SNX29: variants seen among roughly 807,000 people sequenced by gnomAD.
SNX29 encodes the protein sorting nexin 29, also known as sorting nexin-29.
In SNX29, 78 loss-of-function variants were observed where a neutral mutation model predicts 102.1. That is an observed-to-expected ratio of 0.76 (90% CI 0.64 to 0.92). The LOEUF (loss-of-function observed/expected upper bound fraction) is 0.92. Ranked by LOEUF, SNX29 falls within the 40% of genes least tolerant of loss-of-function variation. The pLI is 0.00. For synonymous variants in SNX29, 580 were observed against 414.5 expected (o/e 1.40, Z -4.85); for missense variants, 1,280 against 1,061.7 (o/e 1.21, Z -2.86).
intron 15 of SNX29, among the ~76,000 whole-genome samples, chr16:12,316,273 C>T (rs1474695572): frequency 6.6e-6 from 1 of 152,100 alleles, no homozygotes; most frequent in East Asian, 1.9e-4. Context: ...ATTCAAAAGG[C>T]CTCTTCTGGG....
intron 4 of SNX29, among the ~76,000 whole-genome samples, chr16:12,038,324 G>A (rs961807277): frequency 6.6e-6 from 1 of 152,114 alleles, no homozygotes; most frequent in African/African-American, 2.4e-5. Context: ...CTTGGGCATC[G>A]GTGATAGTTA....
Position 12,569,816 on chromosome 16 carries a change from G to C in SNX29, c.*1187G>C, listed in dbSNP as rs2079148136. On this transcript the variant is annotated 3_prime_UTR_variant, in exon 21 of 21. Transcript: ENST00000566228. ...TCAGATGCTCAGCAAAGTTGTGGCA[G>C]TTTGCATTTCTAGGGTAAACTAACT... is the stretch of plus-strand genomic sequence containing the variant. 3 of 230,340 alleles carry C rather than the reference G, an allele frequency of 1.3e-5. No homozygotes were observed. Among genetic ancestry groups the C allele is most frequent in the Non-Finnish European group, 2.6e-5 (3 of 116,286 alleles). 14.3% of individuals were successfully genotyped at this position (230,340 alleles called of 1,614,324 possible). A position where few individuals can be genotyped will look rare whatever the true frequency, so the allele number is the denominator to read the frequency against.
chr16:12,549,447 A>G (rs1429906933), intron 20 of SNX29, among the ~76,000 whole-genome samples: 1 of 152,178 alleles, frequency 6.6e-6, no homozygotes, highest in Non-Finnish European at 1.5e-5. Flanking sequence ...GTGACCTAAG[A>G]TTGCACCATT....
chr16:12,564,632 G>C (rs2078915160), intron 20 of SNX29, among the ~76,000 whole-genome samples: 1 of 150,910 alleles, frequency 6.6e-6, no homozygotes, highest in African/African-American at 2.5e-5. Flanking sequence ...AGCATTAACA[G>C]AGTCCCTGCT....
intron 17 of SNX29, among the ~76,000 whole-genome samples, chr16:12,401,748 T>C (rs961324255): frequency 5.9e-5 from 9 of 152,208 alleles, no homozygotes; most frequent in Admixed American, 2.6e-4. Context: ...CTGCTTCTTT[T>C]ATTGCTCTAT....
intron 3 of SNX29, among the ~76,000 whole-genome samples, chr16:12,022,614 C>T (rs976610151): frequency 6.6e-6 from 1 of 152,090 alleles, no homozygotes; most frequent in Non-Finnish European, 1.5e-5. Flanking sequence ...ACACTTAATC[C>T]CTAATTTCAA....
At chr16:12,562,201 G>C (rs1188386069) in intron 20 of SNX29, among the ~76,000 whole-genome samples, 2 of 152,188 alleles carry the variant, frequency 1.3e-5, no homozygotes, top group East Asian at 3.8e-4. Context: ...TCACAGAGGA[G>C]TGAACCCTGC....
chr16:12,451,492 C>T (rs2086298244), intron 18 of SNX29, among the ~76,000 whole-genome samples: 1 of 152,202 alleles, frequency 6.6e-6, no homozygotes, highest in African/African-American at 2.4e-5. Flanking sequence ...GTTCTATTTA[C>T]CAACCAAAGA....
At chr16:12,342,102 C>G (rs1044692209) in intron 15 of SNX29, among the ~76,000 whole-genome samples, 6 of 152,130 alleles carry the variant, frequency 3.9e-5, no homozygotes, top group African/African-American at 7.2e-5. Context: ...AGAAGAAGAT[C>G]ACATTTGATG....
chr16:12,385,631 G>C (rs1016863185), intron 16 of SNX29, among the ~76,000 whole-genome samples: 2 of 152,190 alleles, frequency 1.3e-5, no homozygotes, highest in African/African-American at 4.8e-5. Flanking sequence ...CACCCTGTGT[G>C]CATCAGCTGT....
intron 11 of SNX29, among the ~76,000 whole-genome samples, chr16:12,119,027 G>A (rs986480555): frequency 6.6e-6 from 1 of 152,170 alleles, no homozygotes; most frequent in African/African-American, 2.4e-5. Flanking sequence ...CATACTTTAG[G>A]ACATGAGGCT....
chr16:12,401,076 C>T (rs566737992), intron 17 of SNX29, among the ~76,000 whole-genome samples: 15 of 152,216 alleles, frequency 9.9e-5, no homozygotes, highest in Admixed American at 9.2e-4. Context: ...CGTGATCCGC[C>T]TACCTCGGCC....
At chr16:12,534,330 C>G (rs1393127449) in intron 20 of SNX29, among the ~76,000 whole-genome samples, 3 of 152,228 alleles carry the variant, frequency 2.0e-5, no homozygotes, top group East Asian at 1.9e-4. Context: ...TGTGCCCAGC[C>G]AAATGTCCTG....
At chr16:12,503,900 A>G (rs1369518409) in intron 19 of SNX29, among the ~76,000 whole-genome samples, 1 of 152,202 alleles carries the variant, frequency 6.6e-6, no homozygotes, top group African/African-American at 2.4e-5. Context: ...TTTTATTAAG[A>G]TAAAATTCAC....
intron 18 of SNX29, among the ~76,000 whole-genome samples, chr16:12,447,439 C>T (rs1469428110): frequency 6.6e-6 from 1 of 152,188 alleles, no homozygotes; most frequent in African/African-American, 2.4e-5. Flanking sequence ...CAAAGATTCT[C>T]AATCAGTACT....
chr16:12,476,752 G>A (rs575907295), intron 18 of SNX29, among the ~76,000 whole-genome samples: 1 of 152,070 alleles, frequency 6.6e-6, no homozygotes, highest in Non-Finnish European at 1.5e-5. Flanking sequence ...AGAATAATGT[G>A]AGACATTCTA....
intron 16 of SNX29, among the ~76,000 whole-genome samples, chr16:12,391,015 G>A (rs1487451159): frequency 2.0e-5 from 3 of 152,118 alleles, no homozygotes; most frequent in East Asian, 3.8e-4. Flanking sequence ...GCGCAATCAG[G>A]TCTCACTGCA....
chr16:12,121,894 C>T lies in SNX29; in HGVS notation c.1403-4739C>T, dbSNP rs572350287. 9.8e-5 allele frequency among the ~76,000 whole-genome samples: 15 copies of T among 152,302 alleles called. 1 individual carries two copies. The South Asian group carries it at 3.1e-3, about 32-fold the overall frequency. On this transcript the variant is annotated intron_variant, in intron 11 of 20. Coordinates refer to ENST00000566228, the MANE Select transcript of SNX29 (RefSeq NM_032167.5). Reference sequence around the variant, plus strand: ...GCTCACTGCAACCTCCACCTCCCTGCAACCTCTGCCTCCCGGGTTCAAGTG... The same window carrying T: ...GCTCACTGCAACCTCCACCTCCCTGTAACCTCTGCCTCCCGGGTTCAAGTG...
At chr16:12,417,423 G>A (rs979224858) in intron 18 of SNX29, among the ~76,000 whole-genome samples, 5 of 152,172 alleles carry the variant, frequency 3.3e-5, no homozygotes, top group African/African-American at 4.8e-5. Flanking sequence ...GGGCAATGAG[G>A]ACATTCCTGT....
Sources: allele counts gnomAD v4.1 joint callset (sites outside exome capture counted in the v4.1 genomes callset), GRCh38; gene constraint gnomAD v4.1.1; transcripts MANE v1.5; gene names NCBI Gene and HGNC (gene_info 2026-07-23, HGNC 2026-07-21).